Variants in GRIK1 observed in about 807,000 individuals in gnomAD.
GRIK1 encodes glutamate ionotropic receptor kainate type subunit 1, also known as glutamate receptor ionotropic, kainate 1.
In GRIK1, 69 loss-of-function variants were observed where a neutral mutation model predicts 105.7. The ratio of observed to expected loss-of-function variants is 0.65; its 90% CI spans 0.54 to 0.80. The LOEUF is 0.80. Among genes scored for constraint, GRIK1 ranks in the 30% least tolerant of loss-of-function variants. GRIK1 has a pLI of 0.00. For synonymous variants in GRIK1, 438 were observed against 431.3 expected, an observed-to-expected ratio of 1.02 and a Z score of -0.19; for missense variants, 1,109 against 1,167.3, an observed-to-expected ratio of 0.95 and a Z score of 0.73.
At chr21:29,771,104 T>A in intron 1 of GRIK1, among the ~76,000 whole-genome samples, 1 of 152,224 alleles carries the variant, frequency 6.6e-6, no homozygotes, top group Non-Finnish European at 1.5e-5. Context: ...ATGCATACAA[T>A]CATGCCAACA....
chr21:29,537,553 T>A (rs1443343630), intron 17 of GRIK1, among the ~76,000 whole-genome samples, 168 bp from the exon 18 acceptor site: 1 of 152,110 alleles, frequency 6.6e-6, no homozygotes, highest in Non-Finnish European at 1.5e-5. Context: ...CCACCCACCT[T>A]TTCTAATCGG....
rs765445787 is a variant in GRIK1 at position 29,553,531 on chromosome 21, T to C, written c.2607+1521A>G. 20 of 1,490,200 alleles carry C rather than the reference T, an allele frequency of 1.3e-5. No homozygotes were observed. In the African/African-American group the frequency reaches 3.0e-4, roughly 22 times the overall value. The allele number at this position is 1,490,200 out of a possible 1,614,324, so 92.3% of individuals were successfully genotyped here. A position where few individuals can be genotyped will look rare whatever the true frequency, so the allele number is the denominator to read the frequency against. On this transcript the variant is annotated intron_variant, in intron 16 of 17. Transcript: ENST00000327783. ...GCAAAAACATTTTCTACTGGGCACA[T>C]CTTTTTTTTTTTTTTTAAACTGATT...
chr21:29,599,676 A>C (rs892502593), intron 7 of GRIK1, among the ~76,000 whole-genome samples: 1 of 152,058 alleles, frequency 6.6e-6, no homozygotes, highest in African/African-American at 2.4e-5. Context: ...CAGTGGTCAC[A>C]TTTCCTCCTC....
intron 1 of GRIK1, among the ~76,000 whole-genome samples, chr21:29,779,771 C>T (rs986653195): frequency 3.3e-5 from 5 of 152,080 alleles, no homozygotes; most frequent in Admixed American, 1.3e-4. Flanking sequence ...GTGATAATAT[C>T]GTTTTAAAGA....
At chr21:29,750,236 T>TCCTCCCTCCCTTCCCTTCCTC (rs2065153555) in intron 1 of GRIK1, among the ~76,000 whole-genome samples, 1 of 115,028 alleles carries the variant, frequency 8.7e-6, no homozygotes, top group Non-Finnish European at 1.8e-5. Flanking sequence ...TTCCTTCCCT[T>TCCTCCCTCCCTTCCCTTCCTC]CCTCCCTCCC....
At chr21:29,572,726 C>T (rs1335549175) in intron 14 of GRIK1, among the ~76,000 whole-genome samples, 1 of 151,962 alleles carries the variant, frequency 6.6e-6, no homozygotes, top group Non-Finnish European at 1.5e-5. Flanking sequence ...TCATTTTCCT[C>T]ATTAATAGGG....
At chr21:29,765,934 T>C (rs111783194) in intron 1 of GRIK1, among the ~76,000 whole-genome samples, 6,737 of 151,822 alleles carry the variant, frequency 0.044, 213 homozygotes, top group Non-Finnish European at 0.066. Flanking sequence ...TCATTGCAAG[T>C]TCCACCTCCC....
At chr21:29,753,512 G>T (rs553992249) in intron 1 of GRIK1, among the ~76,000 whole-genome samples, 2 of 152,284 alleles carry the variant, frequency 1.3e-5, no homozygotes, top group African/African-American at 4.8e-5. Context: ...AAGCCCTCTG[G>T]CATAGATGGG....
At chr21:29,936,794 A>T (rs929894610) in intron 1 of GRIK1, among the ~76,000 whole-genome samples, 2 of 152,226 alleles carry the variant, frequency 1.3e-5, no homozygotes, top group African/African-American at 4.8e-5. Context: ...TCCAAAGCTG[A>T]AGCTTAAGCA....
intron 1 of GRIK1, among the ~76,000 whole-genome samples, chr21:29,880,525 T>C (rs1002896854): frequency 1.3e-5 from 2 of 152,280 alleles, no homozygotes; most frequent in African/African-American, 4.8e-5. Flanking sequence ...TGGAAGGTAA[T>C]GTTCTGGGAA....
intron 1 of GRIK1, among the ~76,000 whole-genome samples, chr21:29,815,314 T>C (rs546748089): frequency 1.5e-4 from 23 of 152,200 alleles, no homozygotes; most frequent in South Asian, 4.1e-4. Flanking sequence ...AGTTTCAACT[T>C]TCTCATGTGT....
At chr21:29,569,671 C>G (rs567442581) in intron 14 of GRIK1, among the ~76,000 whole-genome samples, 1 of 152,124 alleles carries the variant, frequency 6.6e-6, no homozygotes, top group Non-Finnish European at 1.5e-5. Flanking sequence ...AGGCTGCATA[C>G]GGTTCTTAGA....
At chr21:29,929,658 G>A (rs1019033770) in intron 1 of GRIK1, among the ~76,000 whole-genome samples, 1 of 152,146 alleles carries the variant, frequency 6.6e-6, no homozygotes, top group African/African-American at 2.4e-5. Flanking sequence ...GACAAGAAAA[G>A]AAAATTAACA....
intron 1 of GRIK1, among the ~76,000 whole-genome samples, chr21:29,861,032 A>G (rs1178683749): frequency 6.6e-6 from 1 of 152,106 alleles, no homozygotes; most frequent in African/African-American, 2.4e-5. Context: ...AGTGGCTACT[A>G]GAAAATTTTA....
chr21:29,794,798 A>G (rs1318668405), intron 1 of GRIK1, among the ~76,000 whole-genome samples: 1 of 152,144 alleles, frequency 6.6e-6, no homozygotes, highest in Admixed American at 6.5e-5. Flanking sequence ...ATTATTGGTA[A>G]TAATTCCAAC....
At chr21:29,745,011 G>A (rs1221824356) in intron 1 of GRIK1, among the ~76,000 whole-genome samples, 1 of 152,132 alleles carries the variant, frequency 6.6e-6, no homozygotes, top group Non-Finnish European at 1.5e-5. Context: ...TCCCTTGAAA[G>A]TGGGGCTAGT....
chr21:29,899,683 C>A (rs1404833859), intron 1 of GRIK1, among the ~76,000 whole-genome samples: 2 of 151,954 alleles, frequency 1.3e-5, no homozygotes, highest in Admixed American at 1.3e-4. Flanking sequence ...ATAGAGATGT[C>A]ATTTTCAGGT....
In GRIK1 at chr21:29,867,972, AAGAG is replaced by A. The variant is rs773298230; in HGVS notation, c.118+71407_118+71410del. Reference sequence around the variant, plus strand: ...AAAGAGAGAGAAAATGAGAGAGAAAAAGAGAGAAAAAGAGGAGAGAAGGAGAGAA... The same window carrying A: ...AAAGAGAGAGAAAATGAGAGAGAAAAAGAAAAAGAGGAGAGAAGGAGAGAA... On this transcript the variant is annotated intron_variant, in intron 1 of 17. Coordinates refer to ENST00000327783, the MANE Select transcript of GRIK1 (RefSeq NM_001330994.2). Among the ~76,000 whole-genome samples the A allele has an allele frequency of 3.5e-5, 4 of 114,452 alleles. 1 individual carries two copies. The highest frequency in any genetic ancestry group is 8.7e-4 in the East Asian group (2 of 2,310). 75.1% of individuals were successfully genotyped at this position (114,452 alleles called of 152,430 possible).
chr21:29,899,920 A>C (rs1380040904), intron 1 of GRIK1, among the ~76,000 whole-genome samples: 1 of 152,122 alleles, frequency 6.6e-6, no homozygotes, highest in Non-Finnish European at 1.5e-5. Context: ...AAACACACTG[A>C]TTCCTTTAGT....
Sources: allele counts gnomAD v4.1 joint callset (sites outside exome capture counted in the v4.1 genomes callset), GRCh38; gene constraint gnomAD v4.1.1; transcripts MANE v1.5; gene names NCBI Gene and HGNC (gene_info 2026-07-23, HGNC 2026-07-21).